The following FIGN variants were observed in gnomAD, a reference collection of about 807,000 sequenced individuals.
FIGN encodes fidgetin.
A neutral mutation model predicts 51.3 loss-of-function variants in FIGN; 11 were observed. That is an observed-to-expected ratio of 0.21 (90% CI 0.13 to 0.35). The LOEUF is 0.35. Ranked by LOEUF, FIGN falls within the 10% of genes least tolerant of loss-of-function variation. FIGN has a pLI of 1.00. For missense variants in FIGN, 857 were observed against 943.6 expected, an observed-to-expected ratio of 0.91 and a Z score of 1.20; for synonymous variants, 407 against 363.2, an observed-to-expected ratio of 1.12 and a Z score of -1.37.
chr2:163,676,460 TATATATATATATATATATATATAA>T (rs1420165677), intron 2 of FIGN, among the ~76,000 whole-genome samples: 24 of 98,008 alleles, frequency 2.4e-4, no homozygotes, highest in Admixed American at 1.3e-3. Context: ...TATATATATA[TATATATATATATATATATATATAA>T]CTAGAGTCTG....
Position 163,611,706 on chromosome 2 carries a change from G to A in FIGN, c.126C>T (p.Tyr42=). Residue 42 remains tyrosine (Y), a synonymous_variant, in exon 3 of 3, where the codon TAC becomes TAT. Coordinates refer to ENST00000333129, the MANE Select transcript of FIGN (RefSeq NM_018086.4). ...GATAGGTGCGCTGCAGATGACCTCTGTAGGCTTCAACTTTGTGGGCAGGAG... is the reference window on the plus strand; with the variant it reads ...GATAGGTGCGCTGCAGATGACCTCTATAGGCTTCAACTTTGTGGGCAGGAG... ...TRSPAHKVEA[Y]RGHLQRTYQY... The A allele has an allele frequency of 1.2e-6, 2 of 1,614,164 alleles. No individual in the cohort carries two copies. The highest frequency in any genetic ancestry group is 1.1e-5 in the South Asian group (1 of 91,082).
In FIGN at chr2:163,628,756, T is replaced by TA. The variant is rs904789559; in HGVS notation, c.26-16951dup. On this transcript the variant is annotated intron_variant, in intron 2 of 2. Coordinates refer to ENST00000333129, the MANE Select transcript of FIGN (RefSeq NM_018086.4). The stretch of plus-strand genomic sequence containing the variant: ...TTTAAAGGAAATCACTGGAAAAATT[T>TA]AAAAAAAAATTGTGACATATCTGTC... Among the ~76,000 whole-genome samples the TA allele has an allele frequency of 4.9e-4, 75 of 151,586 alleles. No individual in the cohort carries two copies. In the East Asian group the frequency reaches 9.7e-3, roughly 20 times the overall value.
At position 163,708,567 on chromosome 2, in the gene FIGN, C is replaced by T. The variant is rs543358569; in HGVS notation, c.25+26336G>A. ...GAAGCAATGTAGTTTCTAAACTGAA[C>T]TGTCATAAAAGAGGATATGGGCTTC... On this transcript the variant is annotated intron_variant, in intron 2 of 2. Coordinates refer to ENST00000333129, the MANE Select transcript of FIGN (RefSeq NM_018086.4). Among the ~76,000 whole-genome samples the T allele has an allele frequency of 1.6e-3, 240 of 152,236 alleles. 1 individual carries two copies. Among genetic ancestry groups the T allele is most frequent in the Non-Finnish European group, 3.0e-3 (201 of 68,018 alleles).
chr2:163,654,397 A>G (rs1683526406), intron 2 of FIGN, among the ~76,000 whole-genome samples: 1 of 152,188 alleles, frequency 6.6e-6, no homozygotes, highest in Non-Finnish European at 1.5e-5. Flanking sequence ...GTGCTTAAGA[A>G]AAGATACATT....
chr2:163,653,502 G>C (rs1459272654), intron 2 of FIGN, among the ~76,000 whole-genome samples: 1 of 151,946 alleles, frequency 6.6e-6, no homozygotes, highest in Non-Finnish European at 1.5e-5. Context: ...ATACATTGTT[G>C]TTTCTGTTAA....
chr2:163,624,182 G>A (rs985067580), intron 2 of FIGN, among the ~76,000 whole-genome samples: 7 of 152,066 alleles, frequency 4.6e-5, no homozygotes, highest in African/African-American at 1.7e-4. Context: ...GTGCACATTC[G>A]TAAAGCTTTG....
intron 2 of FIGN, among the ~76,000 whole-genome samples, chr2:163,624,127 A>T (rs1385603674): frequency 6.6e-6 from 1 of 152,082 alleles, no homozygotes; most frequent in Non-Finnish European, 1.5e-5. Flanking sequence ...ATCAAAATCA[A>T]GTTTGGCATC....
chr2:163,732,327 AAAT>A (rs1466177312), intron 2 of FIGN, among the ~76,000 whole-genome samples: 24 of 152,340 alleles, frequency 1.6e-4, no homozygotes, highest in African/African-American at 5.3e-4. Flanking sequence ...GTTTTTGTAG[AAAT>A]AATGTTTCTT....
At chr2:163,669,916 C>A (rs1683848238) in intron 2 of FIGN, among the ~76,000 whole-genome samples, 2 of 152,144 alleles carry the variant, frequency 1.3e-5, no homozygotes, top group Admixed American at 1.3e-4. Flanking sequence ...AACTTAAATT[C>A]TCGATCGTAA....
chr2:163,707,311 G>A (rs945360939), intron 2 of FIGN, among the ~76,000 whole-genome samples: 4 of 151,410 alleles, frequency 2.6e-5, no homozygotes, highest in Non-Finnish European at 1.5e-5. Context: ...GGTCAAGATC[G>A]CGCCACTGCA....
At chr2:163,722,934 C>A (rs1475196832) in intron 2 of FIGN, among the ~76,000 whole-genome samples, 2 of 151,868 alleles carry the variant, frequency 1.3e-5, no homozygotes, top group Admixed American at 1.3e-4. Context: ...CGCCTGTAAT[C>A]CCAGCACATT....
At chr2:163,691,251 T>C (rs1262607829) in intron 2 of FIGN, among the ~76,000 whole-genome samples, 2 of 152,228 alleles carry the variant, frequency 1.3e-5, no homozygotes. Context: ...GTAAAATCTT[T>C]GATTAGTTGC....
At chr2:163,721,476 G>A (rs1440617418) in intron 2 of FIGN, among the ~76,000 whole-genome samples, 2 of 152,140 alleles carry the variant, frequency 1.3e-5, no homozygotes, top group African/African-American at 4.8e-5. Context: ...CTGCAAAAAT[G>A]CTTTTGCTAC....
chr2:163,673,885 C>T (rs1454692532), intron 2 of FIGN, among the ~76,000 whole-genome samples: 1 of 152,084 alleles, frequency 6.6e-6, no homozygotes, highest in Non-Finnish European at 1.5e-5. Flanking sequence ...CAGGTAATAT[C>T]TCAGTTTCCT....
chr2:163,604,629 C>T lies in FIGN; in HGVS notation c.*4923G>A, dbSNP rs2105294136. ...AAAAAAAGACAACAAATAAATACTA[C>T]ATGTACAATATGTAGCAATGAGGTA... On this transcript the variant is annotated 3_prime_UTR_variant, in exon 3 of 3. Transcript: ENST00000333129. 6.6e-6 allele frequency: 1 copy of T among 151,996 alleles called. No homozygotes were observed. The highest frequency in any genetic ancestry group is 1.9e-4 in the East Asian group (1 of 5,180). 9.4% of individuals were successfully genotyped at this position (151,996 alleles called of 1,614,324 possible). A position where few individuals can be genotyped will look rare whatever the true frequency, so the allele number is the denominator to read the frequency against.
At chr2:163,711,602 T>C (rs1175934091) in intron 2 of FIGN, among the ~76,000 whole-genome samples, 1 of 151,054 alleles carries the variant, frequency 6.6e-6, no homozygotes, top group Non-Finnish European at 1.5e-5. Context: ...GAACTCATTA[T>C]CTTCAAAAGG....
rs199634297 is a variant in FIGN at position 163,636,283 on chromosome 2, T to TTTTG, written c.26-24481_26-24478dup. ...ATACCCCTTGTTTCTAATGGTGATT[T>TTTTG]TTTGTTTGTTTGTTTGTTTGAGACG... On this transcript the variant is annotated intron_variant, in intron 2 of 2. Coordinates refer to ENST00000333129, the MANE Select transcript of FIGN (RefSeq NM_018086.4). Among the ~76,000 whole-genome samples the TTTTG allele has an allele frequency of 7.2e-5, 11 of 152,196 alleles. No homozygotes were observed. In the East Asian group the frequency reaches 1.2e-3, roughly 16 times the overall value.
chr2:163,683,380 C>T (rs1173026862), intron 2 of FIGN, among the ~76,000 whole-genome samples: 5 of 151,968 alleles, frequency 3.3e-5, no homozygotes, highest in Non-Finnish European at 5.9e-5. Flanking sequence ...GATTGTTGTT[C>T]GAAAGTGTCT....
At position 163,604,000 on chromosome 2, in the gene FIGN, A is replaced by C. The variant is rs936495272; in HGVS notation, c.*5552T>G. On this transcript the variant is annotated 3_prime_UTR_variant, in exon 3 of 3. Transcript: ENST00000333129. Reference sequence around the variant, plus strand: ...AAATGCTTTCAGTTATGGAACTTGCAAGCACCATGACTCCACGTTTGTTAA... The same window carrying C: ...AAATGCTTTCAGTTATGGAACTTGCCAGCACCATGACTCCACGTTTGTTAA... 1 of 152,138 alleles carries C rather than the reference A, an allele frequency of 6.6e-6. No individual in the cohort carries two copies. The highest frequency in any genetic ancestry group is 1.5e-5 in the Non-Finnish European group (1 of 67,982). The allele number at this position is 152,138 out of a possible 1,614,324, so 9.4% of individuals were successfully genotyped here.
Sources: gnomAD v4.1 joint callset for allele counts (sites outside exome capture counted in the v4.1 genomes callset) on GRCh38, gnomAD v4.1.1 for gene constraint, MANE v1.5 for transcripts, NCBI Gene and HGNC (gene_info 2026-07-23, HGNC 2026-07-21) for gene names.